The following ZC3H15 variants were observed in gnomAD, a reference collection of about 807,000 sequenced individuals.
ZC3H15 encodes the protein zinc finger CCCH-type containing 15.
Under a neutral mutation model 51.2 loss-of-function variants are expected in ZC3H15, and 15 were observed. The observed-to-expected ratio is 0.29, with a 90% CI of 0.20 to 0.45. The LOEUF (loss-of-function observed/expected upper bound fraction) is 0.45. ZC3H15 is among the 20% of genes least tolerant of loss of function. The probability of loss-of-function intolerance (pLI) is 1.00; values close to 1 mark genes in which losing one functional copy is unlikely to be tolerated. For missense variants in ZC3H15, 381 were observed against 494.7 expected (o/e 0.77, Z 2.18); for synonymous variants, 144 against 162.8 (o/e 0.88, Z 0.88).
At chr2:186,506,510 C>T (rs924100410) in intron 8 of ZC3H15, among the ~76,000 whole-genome samples, 1 of 151,972 alleles carries the variant, frequency 6.6e-6, no homozygotes, top group African/African-American at 2.4e-5. Flanking sequence ...TCAGGCTGGT[C>T]TCAAACTCCT....
chr2:186,490,188 C>A (rs545806748), intron 1 of ZC3H15, among the ~76,000 whole-genome samples: 1 of 152,166 alleles, frequency 6.6e-6, no homozygotes, highest in East Asian at 1.9e-4. Flanking sequence ...ATATGTCAAA[C>A]AGGATTATGG....
In ZC3H15 at chr2:186,509,197, A is replaced by G. The variant is rs1451145000; in HGVS notation, c.*464A>G. ...TTCATAAAGGAAACTGCGTATGCAG[A>G]TTCAGTATTGTGTATCTTTGGACAA... On this transcript the variant is annotated 3_prime_UTR_variant, in exon 10 of 10. Transcript: ENST00000337859. 3.2e-6 allele frequency: 1 copy of G among 307,884 alleles called. No individual in the cohort carries two copies. The highest frequency in any genetic ancestry group is 8.7e-5 in the East Asian group (1 of 11,486). The allele number at this position is 307,884 out of a possible 1,614,324, so 19.1% of individuals were successfully genotyped here. A position where few individuals can be genotyped will look rare whatever the true frequency, so the allele number is the denominator to read the frequency against.
At chr2:186,501,524 G>T in intron 4 of ZC3H15, 99 bp downstream of exon 4, 2 of 1,030,274 alleles carry the variant, frequency 1.9e-6, no homozygotes, top group South Asian at 2.0e-5. Context: ...AATCTTAATA[G>T]ACTGTTTATA....
At chr2:186,502,458 A>G (rs920420916) in intron 4 of ZC3H15, 38 bp from the exon 5 acceptor site, 2 of 1,501,670 alleles carry the variant, frequency 1.3e-6, no homozygotes, top group South Asian at 1.2e-5. Flanking sequence ...GGAGTAGTAG[A>G]TAAGATTACA....
In ZC3H15 at chr2:186,486,305, C is replaced by A. The variant is rs1685090729; in HGVS notation, c.-78C>A. 1 of 1,376,332 alleles carries A rather than the reference C, an allele frequency of 7.3e-7. No homozygotes were observed. The allele number at this position is 1,376,332 out of a possible 1,614,324, so 85.3% of individuals were successfully genotyped here. A position where few individuals can be genotyped will look rare whatever the true frequency, so the allele number is the denominator to read the frequency against. On this transcript the variant is annotated 5_prime_UTR_variant, in exon 1 of 10. Coordinates refer to ENST00000337859, the MANE Select transcript of ZC3H15 (RefSeq NM_018471.3). ...CGGCGAGTGAGGCCCCGGTCTTCCTCCTCGTCCTGCCGCAGGGCCAGAACC... is the reference window on the plus strand; with the variant it reads ...CGGCGAGTGAGGCCCCGGTCTTCCTACTCGTCCTGCCGCAGGGCCAGAACC...
intron 2 of ZC3H15, chr2:186,499,480 A>G: frequency 2.6e-6 from 1 of 377,962 alleles, no homozygotes; most frequent in Non-Finnish European, 5.1e-6. Context: ...TAGTTTTCTC[A>G]GGTATATGGG....
chr2:186,506,857 C>T, intron 9 of ZC3H15, 21 bp downstream of exon 9: 1 of 1,602,392 alleles, frequency 6.2e-7, no homozygotes, highest in Non-Finnish European at 8.5e-7. Context: ...TAACTTTTGC[C>T]TAATTTTAAG....
intron 6 of ZC3H15, 57 bp from the exon 7 acceptor site, chr2:186,505,394 C>A: frequency 6.7e-7 from 1 of 1,495,790 alleles, no homozygotes; most frequent in Non-Finnish European, 8.9e-7. Context: ...ATAACTGCAA[C>A]TAAGCACTAT....
chr2:186,488,649 A>G (rs1051676237), intron 1 of ZC3H15: 2 of 152,304 alleles, frequency 1.3e-5, no homozygotes. Flanking sequence ...AAAATGGGTT[A>G]GAGGCGGTGT....
intron 5 of ZC3H15, among the ~76,000 whole-genome samples, chr2:186,502,932 C>G (rs1223571663): frequency 6.6e-6 from 1 of 152,086 alleles, no homozygotes; most frequent in Non-Finnish European, 1.5e-5. Context: ...AACTAACCCA[C>G]TTAATAATGT....
intron 9 of ZC3H15, among the ~76,000 whole-genome samples, chr2:186,507,202 G>C (rs191130272): frequency 2.1e-3 from 314 of 152,268 alleles, no homozygotes; most frequent in African/African-American, 7.3e-3. Context: ...AAGAAGAAAT[G>C]CTTAGGAAAG....
rs1172062730 is a variant in ZC3H15, at chr2:186,491,154, A to C, written c.76-4079A>C. Among the ~76,000 whole-genome samples the C allele has an allele frequency of 3.3e-5, 5 of 152,188 alleles. No homozygotes were observed. In the East Asian group the frequency reaches 5.8e-4, roughly 18 times the overall value. On this transcript the variant is annotated intron_variant, in intron 1 of 9. Transcript: ENST00000337859. ...GTGATATTTAGAAAGGTTATTGCGCACCAACCAGCCCAATAACTTAATGAG... is the reference window on the plus strand; with the variant it reads ...GTGATATTTAGAAAGGTTATTGCGCCCCAACCAGCCCAATAACTTAATGAG...
chr2:186,491,041 T>G (rs1685189504), intron 1 of ZC3H15, among the ~76,000 whole-genome samples: 1 of 152,214 alleles, frequency 6.6e-6, no homozygotes, highest in Non-Finnish European at 1.5e-5. Flanking sequence ...GGCTCTGTCC[T>G]AAACTCAGGA....
chr2:186,494,555 T>G lies in ZC3H15; in HGVS notation c.76-678T>G, dbSNP rs556920578. Among the ~76,000 whole-genome samples, 5 of 152,298 alleles carry G rather than the reference T, an allele frequency of 3.3e-5. No individual in the cohort carries two copies. In the South Asian group the frequency reaches 1.0e-3, roughly 32 times the overall value. Reference sequence around the variant, plus strand: ...CTGTAAGATACCTTGTGCTTAAGAATTAAGAATCCTTTTAATCAAGCATTT... The same window carrying G: ...CTGTAAGATACCTTGTGCTTAAGAAGTAAGAATCCTTTTAATCAAGCATTT... On this transcript the variant is annotated intron_variant, in intron 1 of 9. Transcript: ENST00000337859.
chr2:186,505,288 C>A (rs1574427539), intron 6 of ZC3H15, 163 bp from the exon 7 acceptor site: 1 of 683,928 alleles, frequency 1.5e-6, no homozygotes, highest in Non-Finnish European at 2.1e-6. Flanking sequence ...ACTCATTTTG[C>A]TCATTGCCAC....
intron 2 of ZC3H15, among the ~76,000 whole-genome samples, chr2:186,499,826 A>T (rs759219922): frequency 3.9e-5 from 6 of 152,100 alleles, no homozygotes; most frequent in Non-Finnish European, 8.8e-5. Context: ...ACATTTCAGG[A>T]TGTTTGCTTG....
Position 186,505,139 on chromosome 2 carries a change from T to A in ZC3H15, c.718-312T>A, listed in dbSNP as rs979410605. On this transcript the variant is annotated intron_variant, in intron 6 of 9. Coordinates refer to ENST00000337859, the MANE Select transcript of ZC3H15 (RefSeq NM_018471.3). ...CACAAATGAAACTTGGATATTGTTA[T>A]GGTGCTTTTTATAATATATTTATTA... is the stretch of plus-strand genomic sequence containing the variant. 3 of 159,716 alleles carry A rather than the reference T, an allele frequency of 1.9e-5. No individual in the cohort carries two copies. The Admixed American group carries it at 1.9e-4, about 10-fold the overall frequency. The allele number at this position is 159,716 out of a possible 1,614,324, so 9.9% of individuals were successfully genotyped here.
At chr2:186,488,523 T>C (rs1304489766) in intron 1 of ZC3H15, 1 of 152,228 alleles carries the variant, frequency 6.6e-6, no homozygotes, top group Admixed American at 6.5e-5. Flanking sequence ...TGCTGAAAAG[T>C]ATTCTCTTGT....
intron 7 of ZC3H15, 33 bp downstream of exon 7, chr2:186,505,630 A>G: frequency 6.3e-7 from 1 of 1,597,814 alleles, no homozygotes. Context: ...CTGATTCTTT[A>G]TTCTTCCATT....
Sources: allele counts gnomAD v4.1 joint callset (sites outside exome capture counted in the v4.1 genomes callset), GRCh38; gene constraint gnomAD v4.1.1; transcripts MANE v1.5; gene names NCBI Gene and HGNC (gene_info 2026-07-23, HGNC 2026-07-21).